STAU1: variants seen among roughly 807,000 people sequenced by gnomAD.
STAU1 encodes staufen double-stranded RNA binding protein 1.
In STAU1, 13 loss-of-function variants were observed where a neutral mutation model predicts 62.9. That is an observed-to-expected ratio of 0.21 (90% confidence interval 0.13 to 0.33). The LOEUF is 0.33. Ranked by LOEUF, STAU1 falls within the 10% of genes least tolerant of loss-of-function variation. STAU1 has a pLI of 1.00. For missense variants in STAU1, 571 were observed against 712.1 expected, an observed-to-expected ratio of 0.80 and a Z score of 2.25; for synonymous variants, 269 against 265.1, an observed-to-expected ratio of 1.01 and a Z score of -0.14.
At chr20:49,140,158 T>A (rs1332470088) in intron 5 of STAU1, among the ~76,000 whole-genome samples, 1 of 151,318 alleles carries the variant, frequency 6.6e-6, no homozygotes, top group African/African-American at 2.4e-5. Context: ...TGCATTCCAG[T>A]CCAGTGAGAC....
rs1310228539 is a variant in STAU1, at chr20:49,114,702, G to T, written c.*176C>A. Reference sequence around the variant, plus strand: ...TCACAACAAACCCCAGCACAGTCCAGCCCGGCCACAGCCGCCTCCTTGTGT... The same window carrying T: ...TCACAACAAACCCCAGCACAGTCCATCCCGGCCACAGCCGCCTCCTTGTGT... On this transcript the variant is annotated 3_prime_UTR_variant, in exon 14 of 14. Coordinates refer to ENST00000371856, the MANE Select transcript of STAU1 (RefSeq NM_017453.4). The T allele has an allele frequency of 1.5e-6, 1 of 668,528 alleles. No individual in the cohort carries two copies. 41.4% of individuals were successfully genotyped at this position (668,528 alleles called of 1,614,324 possible). A position where few individuals can be genotyped will look rare whatever the true frequency, so the allele number is the denominator to read the frequency against.
chr20:49,147,354 T>C (rs766206162), intron 5 of STAU1, among the ~76,000 whole-genome samples: 4 of 152,362 alleles, frequency 2.6e-5, no homozygotes, highest in Non-Finnish European at 4.4e-5. Context: ...GCCCAGACTA[T>C]GCCTGCCCTG....
chr20:49,186,739 C>T (rs1021133928), intron 1 of STAU1, among the ~76,000 whole-genome samples: 3 of 151,932 alleles, frequency 2.0e-5, no homozygotes, highest in Non-Finnish European at 2.9e-5. Context: ...TAGTTTTTAC[C>T]TCAACAAGTA....
intron 2 of STAU1, among the ~76,000 whole-genome samples, chr20:49,169,511 G>A (rs1006467925): frequency 1.3e-5 from 2 of 152,202 alleles, no homozygotes; most frequent in African/African-American, 2.4e-5. Context: ...ATGCAAATAA[G>A]TCTTTTCCTT....
the STAU1 span, among the ~76,000 whole-genome samples, chr20:49,195,821 T>G: frequency 7.1e-6 from 1 of 140,950 alleles, no homozygotes; most frequent in Non-Finnish European, 1.5e-5. Flanking sequence ...GAGAATTGCT[T>G]GCACCCAGGA....
intron 6 of STAU1, among the ~76,000 whole-genome samples, chr20:49,125,071 TAAAAAAAA>T (rs11473077): frequency 6.0e-5 from 5 of 83,842 alleles, no homozygotes; most frequent in Admixed American, 4.9e-4. Context: ...ACACATTAAG[TAAAAAAAA>T]AAAAAAAAAA....
intron 5 of STAU1, among the ~76,000 whole-genome samples, chr20:49,138,578 T>G (rs1241847996): frequency 2.0e-5 from 3 of 152,142 alleles, no homozygotes; most frequent in African/African-American, 7.2e-5. Flanking sequence ...CATAGCTCAC[T>G]GCAGCTTCAA....
chr20:49,209,603 G>A, the STAU1 span, among the ~76,000 whole-genome samples: 2 of 152,224 alleles, frequency 1.3e-5, no homozygotes, highest in African/African-American at 2.4e-5. Context: ...ATTTAGCCGG[G>A]CAGGGTGTCG....
chr20:49,184,379 T>C (rs2093762625), intron 1 of STAU1, among the ~76,000 whole-genome samples: 1 of 152,156 alleles, frequency 6.6e-6, no homozygotes. Context: ...GAACCAGTCC[T>C]GGACAGGACA....
rs1008227977 is a variant in STAU1, at chr20:49,118,226, G to A, written c.1189+107C>T. ...GCGCAGGGAATCAGGGAATGATAAA[G>A]ACACTTTGCATGCGGGACCTCACTG... On this transcript the variant is annotated intron_variant, in intron 10 of 13. Transcript: ENST00000371856. The A allele has an allele frequency of 7.9e-6, 11 of 1,385,880 alleles. No homozygotes were observed. The African/African-American group carries it at 1.0e-4, about 13-fold the overall frequency. The allele number at this position is 1,385,880 out of a possible 1,614,324, so 85.8% of individuals were successfully genotyped here.
At chr20:49,175,460 T>C (rs186642551) in intron 1 of STAU1, among the ~76,000 whole-genome samples, 20 of 152,232 alleles carry the variant, frequency 1.3e-4, no homozygotes, top group Admixed American at 3.9e-4. Flanking sequence ...TATGAATATC[T>C]CATAATGTTT....
At chr20:49,138,295 A>C (rs2092933858) in intron 5 of STAU1, among the ~76,000 whole-genome samples, 1 of 152,154 alleles carries the variant, frequency 6.6e-6, no homozygotes, top group Non-Finnish European at 1.5e-5. Context: ...CACCAAAAAA[A>C]GCTATAATTA....
intron 6 of STAU1, chr20:49,135,080 A>T (rs1404448007): frequency 9.2e-7 from 1 of 1,092,410 alleles, no homozygotes; most frequent in Non-Finnish European, 1.4e-6. Context: ...GATGTACACA[A>T]TCTTTTGCCT....
At chr20:49,122,876 C>A in intron 8 of STAU1, among the ~76,000 whole-genome samples, 1 of 152,048 alleles carries the variant, frequency 6.6e-6, no homozygotes, top group East Asian at 1.9e-4. Flanking sequence ...GAGACAGCAC[C>A]ACTGCACTCC....
At chr20:49,210,082 A>G in the STAU1 span, among the ~76,000 whole-genome samples, 1 of 152,234 alleles carries the variant, frequency 6.6e-6, no homozygotes, top group Non-Finnish European at 1.5e-5. Flanking sequence ...AAAAAAATAA[A>G]TAAATTCGCT....
chr20:49,144,247 G>C (rs1017728590), intron 5 of STAU1, among the ~76,000 whole-genome samples: 1 of 151,598 alleles, frequency 6.6e-6, no homozygotes, highest in Non-Finnish European at 1.5e-5. Context: ...AATAAATGTT[G>C]GCGGCCAAAC....
At chr20:49,215,822 C>A in the STAU1 span, among the ~76,000 whole-genome samples, 1 of 151,764 alleles carries the variant, frequency 6.6e-6, no homozygotes, top group Admixed American at 6.6e-5. Flanking sequence ...GACTGGCCAA[C>A]ATGGTGAGAC....
intron 6 of STAU1, among the ~76,000 whole-genome samples, chr20:49,133,251 T>C (rs2092791440): frequency 6.6e-6 from 1 of 152,184 alleles, no homozygotes; most frequent in South Asian, 2.1e-4. Context: ...TAGCAATCTC[T>C]AAGTTTCCAG....
At chr20:49,208,451 C>T in the STAU1 span, among the ~76,000 whole-genome samples, 1 of 151,848 alleles carries the variant, frequency 6.6e-6, no homozygotes, top group Non-Finnish European at 1.5e-5. Flanking sequence ...GATCTGCCTG[C>T]CTTGGCCTCT....
Sources: allele counts gnomAD v4.1 joint callset (sites outside exome capture counted in the v4.1 genomes callset), GRCh38; gene constraint gnomAD v4.1.1; transcripts MANE v1.5; gene names NCBI Gene and HGNC (gene_info 2026-07-23, HGNC 2026-07-21).